The following DENND1B variants were observed in gnomAD, a reference collection of about 807,000 sequenced individuals.
DENND1B encodes DENN domain-containing protein 1B.
DENND1B carries 59 observed loss-of-function variants against 90.1 expected under a neutral mutation model. The ratio of observed to expected loss-of-function variants is 0.65; its 90% CI spans 0.53 to 0.81. The LOEUF is 0.81. DENND1B is among the 40% of genes least tolerant of loss of function. The pLI is 0.00. For synonymous variants in DENND1B, 337 were observed against 324.6 expected (o/e 1.04, Z -0.41); for missense variants, 862 against 912.6 (o/e 0.94, Z 0.71).
chr1:197,686,883 G>A (rs1241660308), intron 3 of DENND1B, among the ~76,000 whole-genome samples: 2 of 152,092 alleles, frequency 1.3e-5, no homozygotes, highest in Non-Finnish European at 2.9e-5. Flanking sequence ...AAAAGCTTGG[G>A]CTCTCCAGCC....
chr1:197,758,002 G>T (rs1428232641), intron 2 of DENND1B, among the ~76,000 whole-genome samples: 1 of 152,256 alleles, frequency 6.6e-6, no homozygotes, highest in African/African-American at 2.4e-5. Flanking sequence ...GCTCTTAGAA[G>T]TTTGAAAACT....
At chr1:197,759,739 T>C (rs1269507749) in intron 2 of DENND1B, among the ~76,000 whole-genome samples, 1 of 88,454 alleles carries the variant, frequency 1.1e-5, no homozygotes, top group African/African-American at 5.5e-5. Flanking sequence ...CAAGACTCCG[T>C]CTCAAAAAAA....
chr1:197,774,189 A>C (rs1445623326), intron 1 of DENND1B, among the ~76,000 whole-genome samples: 1 of 152,250 alleles, frequency 6.6e-6, no homozygotes, highest in Non-Finnish European at 1.5e-5. Flanking sequence ...AAACACACTG[A>C]AGAAAATAAT....
At chr1:197,722,052 C>T (rs1661230637) in intron 2 of DENND1B, among the ~76,000 whole-genome samples, 1 of 152,042 alleles carries the variant, frequency 6.6e-6, no homozygotes, top group South Asian at 2.1e-4. Flanking sequence ...TGTACTTTTC[C>T]AACTCAGACA....
At chr1:197,623,626 C>T (rs540330371) in intron 10 of DENND1B, among the ~76,000 whole-genome samples, 35 of 151,472 alleles carry the variant, frequency 2.3e-4, no homozygotes, top group African/African-American at 7.2e-4. Flanking sequence ...CAAAACTGAG[C>T]AGAAAGTACA....
At chr1:197,636,772 G>A (rs1315140756) in intron 10 of DENND1B, among the ~76,000 whole-genome samples, 1 of 152,100 alleles carries the variant, frequency 6.6e-6, no homozygotes, top group Non-Finnish European at 1.5e-5. Context: ...GCTGAACTAA[G>A]ACAGTGGGCA....
chr1:197,506,151 CAG>C lies in DENND1B; in HGVS notation c.*4307_*4308del, dbSNP rs1214549043. 1 of 151,528 alleles carries C rather than the reference CAG, an allele frequency of 6.6e-6. No homozygotes were observed. The highest frequency in any genetic ancestry group is 1.5e-5 in the Non-Finnish European group (1 of 67,664). 9.4% of individuals were successfully genotyped at this position (151,528 alleles called of 1,614,324 possible). A position where few individuals can be genotyped will look rare whatever the true frequency, so the allele number is the denominator to read the frequency against. On this transcript the variant is annotated 3_prime_UTR_variant, in exon 23 of 23. Transcript: ENST00000620048. Reference sequence around the variant, plus strand: ...GACCTTAAGGCATCTGCCAGAAAAACAGATGTACATATTTATATGAACTAAGT... The same window carrying C: ...GACCTTAAGGCATCTGCCAGAAAAACATGTACATATTTATATGAACTAAGT...
chr1:197,564,008 TATC>T (rs1447266446), intron 15 of DENND1B, among the ~76,000 whole-genome samples: 1 of 151,996 alleles, frequency 6.6e-6, no homozygotes, highest in Non-Finnish European at 1.5e-5. Flanking sequence ...ATTGCTGTAA[TATC>T]ATAATAAAAC....
intron 11 of DENND1B, among the ~76,000 whole-genome samples, chr1:197,617,145 A>G (rs1291281264): frequency 6.6e-6 from 1 of 151,090 alleles, no homozygotes; most frequent in African/African-American, 2.4e-5. Flanking sequence ...ACTTTGACTT[A>G]AACAAAAAAC....
At chr1:197,779,916 T>C (rs530334885), upstream of DENND1B, among the ~76,000 whole-genome samples, 1 of 152,190 alleles carries the variant, frequency 6.6e-6, no homozygotes, top group East Asian at 1.9e-4. Flanking sequence ...GATTTCTTTT[T>C]ATGTTATGTG....
At chr1:197,581,269 T>A (rs1322989843) in intron 15 of DENND1B, among the ~76,000 whole-genome samples, 2 of 152,206 alleles carry the variant, frequency 1.3e-5, no homozygotes, top group African/African-American at 4.8e-5. Flanking sequence ...GTATCACTTT[T>A]TTAAGAATCA....
At chr1:197,668,908 G>A (rs1206920075) in intron 5 of DENND1B, among the ~76,000 whole-genome samples, 1 of 151,808 alleles carries the variant, frequency 6.6e-6, no homozygotes, top group African/African-American at 2.4e-5. Context: ...TTTCCCTCAT[G>A]CTTATTTAAA....
chr1:197,553,933 T>C (rs1558233683), intron 15 of DENND1B, among the ~76,000 whole-genome samples: 1 of 152,106 alleles, frequency 6.6e-6, no homozygotes, highest in African/African-American at 2.4e-5. Context: ...TTTTTCGAAG[T>C]GCAGAAATCC....
intron 6 of DENND1B, among the ~76,000 whole-genome samples, chr1:197,655,633 G>A (rs1035687569): frequency 3.8e-4 from 57 of 151,916 alleles, no homozygotes; most frequent in Non-Finnish European, 7.1e-4. Flanking sequence ...CCGGGTTCAT[G>A]CCATTCTCCT....
chr1:197,647,092 CA>C lies in DENND1B; in HGVS notation c.469del (p.Cys157ValfsTer5). 1.4e-6 allele frequency: 2 copies of C among 1,463,292 alleles called. No individual in the cohort carries two copies. Among genetic ancestry groups the C allele is most frequent in the Non-Finnish European group, 9.0e-7 (1 of 1,115,976 alleles). 90.6% of individuals were successfully genotyped at this position (1,463,292 alleles called of 1,614,324 possible). ...LSVNQEIFIA[C>X]EQVLKDQPAL... is the part of the protein sequence containing the mutation. ...AGGCTGATCTTTCAGAACTTGCTCA[CA>C]GGCAATAAATATCTCTTGGTTCTTA... On this transcript the variant is annotated frameshift_variant, in exon 8 of 23. Transcript: ENST00000620048. LOFTEE classifies it high-confidence loss of function.
chr1:197,723,097 C>T (rs1252146205), intron 2 of DENND1B, among the ~76,000 whole-genome samples: 3 of 152,114 alleles, frequency 2.0e-5, no homozygotes, highest in African/African-American at 7.2e-5. Context: ...CAAGGAAGCT[C>T]TCTTTTGAGC....
At chr1:197,662,752 A>T (rs1654544745) in intron 5 of DENND1B, among the ~76,000 whole-genome samples, 1 of 152,098 alleles carries the variant, frequency 6.6e-6, no homozygotes, top group Non-Finnish European at 1.5e-5. Flanking sequence ...CATTTCAGGC[A>T]GCTAAATGAA....
intron 2 of DENND1B, among the ~76,000 whole-genome samples, chr1:197,760,429 C>T (rs1316793988): frequency 1.3e-5 from 2 of 152,034 alleles, no homozygotes; most frequent in Admixed American, 6.6e-5. Flanking sequence ...GTAGGCAGGT[C>T]GCTTGAGCTC....
intron 2 of DENND1B, among the ~76,000 whole-genome samples, chr1:197,716,906 C>G (rs1660698608): frequency 6.6e-6 from 1 of 151,842 alleles, no homozygotes; most frequent in African/African-American, 2.4e-5. Context: ...TAGCATTTAC[C>G]TAAATATGTT....
Sources: gnomAD v4.1 joint callset for allele counts (sites outside exome capture counted in the v4.1 genomes callset) on GRCh38, gnomAD v4.1.1 for gene constraint, MANE v1.5 for transcripts, NCBI Gene and HGNC (gene_info 2026-07-23, HGNC 2026-07-21) for gene names.